The following OSBP2 variants were observed in gnomAD, a reference collection of about 807,000 sequenced individuals.
The protein encoded by OSBP2 is oxysterol-binding protein 2.
OSBP2 carries 66 observed loss-of-function variants against 96.0 expected under a neutral mutation model. The ratio of observed to expected loss-of-function variants is 0.69; its 90% CI spans 0.56 to 0.84. The LOEUF (loss-of-function observed/expected upper bound fraction) is 0.84. OSBP2 is among the 40% of genes least tolerant of loss of function. The pLI is 0.00. For synonymous variants in OSBP2, 525 were observed against 520.9 expected, an observed-to-expected ratio of 1.01 and a Z score of -0.11; for missense variants, 1,038 against 1,222.7, an observed-to-expected ratio of 0.85 and a Z score of 2.25.
intron 2 of OSBP2, among the ~76,000 whole-genome samples, chr22:30,799,701 T>G (rs2090823510): frequency 2.0e-5 from 3 of 152,270 alleles, no homozygotes; most frequent in Admixed American, 2.0e-4. Context: ...TTTTTCATTC[T>G]GCAGAAAATG....
Position 30,893,697 on chromosome 22 carries a change from G to C in OSBP2, c.2154G>C (p.Leu718=), listed in dbSNP as rs1337001674. ...KTNDRCQLKF[L]PYSYFSKEAA... ...ATGACCGGTGCCAGCTGAAGTTCCT[G>C]CCCTACAGCTACTTCTCCAAAGAGG... is the stretch of plus-strand genomic sequence containing the variant. Residue 718 remains leucine (L), a synonymous_variant, in exon 11 of 14, where the codon CTG becomes CTC. Transcript: ENST00000332585. 1 of 1,614,202 alleles carries C rather than the reference G, an allele frequency of 6.2e-7. No homozygotes were observed. The highest frequency in any genetic ancestry group is 1.3e-5 in the African/African-American group (1 of 75,060).
chr22:30,728,118 C>T (rs757527654), intron 1 of OSBP2, among the ~76,000 whole-genome samples: 4 of 151,080 alleles, frequency 2.6e-5, no homozygotes, highest in Non-Finnish European at 5.9e-5. Context: ...AATAAAGGGC[C>T]GGGCACGGTG....
chr22:30,894,060 A>T, intron 12 of OSBP2, 59 bp downstream of exon 12: 2 of 1,460,524 alleles, frequency 1.4e-6, no homozygotes. Context: ...AGGACAGTGG[A>T]CAGAAAGCAA....
At chr22:30,708,972 T>C (rs1018436609) in intron 1 of OSBP2, among the ~76,000 whole-genome samples, 1 of 151,702 alleles carries the variant, frequency 6.6e-6, no homozygotes, top group African/African-American at 2.4e-5. Flanking sequence ...TGGTGGTGGG[T>C]GCCTGTAATC....
chr22:30,779,328 T>TG (rs970663299), intron 2 of OSBP2, among the ~76,000 whole-genome samples: 155 of 151,264 alleles, frequency 1.0e-3, no homozygotes, highest in African/African-American at 3.6e-3. Flanking sequence ...CTTGCACTCC[T>TG]GACCTCAGGT....
chr22:30,826,074 G>T (rs2038399053), intron 2 of OSBP2, among the ~76,000 whole-genome samples: 1 of 152,132 alleles, frequency 6.6e-6, no homozygotes, highest in Non-Finnish European at 1.5e-5. Context: ...CCAGGTCCTG[G>T]AATGTTCTGA....
rs4820030 is a variant in OSBP2 at position 30,870,843 on chromosome 22, T to C, written c.1107+161T>C. ...GCCCCCCAGCTAGCTTCCGAGTTCT[T>C]AAATCATCTCCTTCACTCGGCCGTC... On this transcript the variant is annotated intron_variant, in intron 3 of 13. Transcript: ENST00000332585. This position sits in a 1 kb window ranked among gnomAD's most constrained non-coding sequence, Gnocchi z 4.1. Among the ~76,000 whole-genome samples the C allele has an allele frequency of 0.66, 99,922 of 152,016 alleles. 33,177 individuals are homozygous for C. The highest frequency in any genetic ancestry group is 0.82 in the East Asian group (4,209 of 5,138).
At chr22:30,735,069 A>G (rs959298142) in intron 1 of OSBP2, among the ~76,000 whole-genome samples, 11 of 152,156 alleles carry the variant, frequency 7.2e-5, no homozygotes, top group Non-Finnish European at 1.0e-4. Context: ...GCACATGCCT[A>G]TGGTCCCAGT....
chr22:30,824,260 G>A (rs1008615181), intron 2 of OSBP2, among the ~76,000 whole-genome samples: 1 of 152,124 alleles, frequency 6.6e-6, no homozygotes, highest in Non-Finnish European at 1.5e-5. Flanking sequence ...GGGAGGAGGC[G>A]GCTCAGGAAG....
chr22:30,704,517 ATTTTT>A (rs34976215), intron 1 of OSBP2, among the ~76,000 whole-genome samples: 1 of 143,210 alleles, frequency 7.0e-6, no homozygotes, highest in Non-Finnish European at 1.5e-5. Context: ...AGGAAAGCAG[ATTTTT>A]TTTTTTTTTT....
intron 2 of OSBP2, among the ~76,000 whole-genome samples, chr22:30,764,031 T>G (rs1169065439): frequency 6.6e-6 from 1 of 152,232 alleles, no homozygotes; most frequent in East Asian, 1.9e-4. Context: ...AATCTCTCCG[T>G]ACCTGTGAGT....
intron 2 of OSBP2, among the ~76,000 whole-genome samples, chr22:30,794,769 C>G (rs186850546): frequency 0.011 from 1,645 of 151,026 alleles, 18 homozygotes; most frequent in Middle Eastern, 0.041. Context: ...TGCACTCCAG[C>G]CTGGGCAACA....
chr22:30,858,292 G>A (rs546039689), intron 2 of OSBP2, among the ~76,000 whole-genome samples: 58 of 151,022 alleles, frequency 3.8e-4, no homozygotes, highest in Non-Finnish European at 5.6e-4. Context: ...GACTACAGGC[G>A]CCCGCCACCG....
chr22:30,728,240 C>A (rs2089685345), intron 1 of OSBP2, among the ~76,000 whole-genome samples: 1 of 151,682 alleles, frequency 6.6e-6, no homozygotes, highest in South Asian at 2.1e-4. Context: ...ACTAAAAATA[C>A]AAAAAATTAG....
chr22:30,708,247 A>G (rs2089287736), intron 1 of OSBP2, among the ~76,000 whole-genome samples: 2 of 152,118 alleles, frequency 1.3e-5, no homozygotes, highest in South Asian at 4.1e-4. Context: ...TTGAGAGCTC[A>G]TTGTATTAAT....
At chr22:30,896,514 A>G (rs1452826231) in intron 12 of OSBP2, among the ~76,000 whole-genome samples, 1 of 152,218 alleles carries the variant, frequency 6.6e-6, no homozygotes, top group Non-Finnish European at 1.5e-5. Context: ...AAATGGTAAG[A>G]GAAAATTAAA....
At chr22:30,862,827 G>C (rs891741318) in intron 2 of OSBP2, among the ~76,000 whole-genome samples, 106 of 151,788 alleles carry the variant, frequency 7.0e-4, no homozygotes, top group Non-Finnish European at 1.0e-3. Flanking sequence ...CAAAAAGTTA[G>C]CCAGGTGTGG....
chr22:30,872,491 A>G (rs1189140919), intron 3 of OSBP2: 2 of 402,902 alleles, frequency 5.0e-6, no homozygotes, highest in African/African-American at 4.1e-5. Context: ...AACAGCTCCA[A>G]GTTTAAGTGC....
At chr22:30,854,901 G>C (rs5749178) in intron 2 of OSBP2, among the ~76,000 whole-genome samples, 1 of 152,054 alleles carries the variant, frequency 6.6e-6, no homozygotes, top group Admixed American at 6.6e-5. Context: ...ACTTACAGTC[G>C]TGGTGGAAGG....
Sources: allele counts gnomAD v4.1 joint callset (sites outside exome capture counted in the v4.1 genomes callset), GRCh38; gene constraint gnomAD v4.1.1; non-coding constraint Gnocchi (gnomAD v3.1); transcripts MANE v1.5; gene names NCBI Gene and HGNC (gene_info 2026-07-23, HGNC 2026-07-21).